The following ST8SIA5 variants were observed in gnomAD, a reference collection of about 807,000 sequenced individuals.
ST8SIA5 encodes ST8 alpha-N-acetyl-neuraminide alpha-2,8-sialyltransferase 5, also known as alpha-2,8-sialyltransferase 8E.
Under a neutral mutation model 40.2 loss-of-function variants are expected in ST8SIA5, and 24 were observed. That is an observed-to-expected ratio of 0.60 (90% CI 0.43 to 0.84). ST8SIA5 has a LOEUF of 0.84. ST8SIA5 is among the 40% of genes least tolerant of loss of function. The pLI is 0.00. For missense variants in ST8SIA5, 465 were observed against 498.5 expected (o/e 0.93, Z 0.64); for synonymous variants, 198 against 201.8 (o/e 0.98, Z 0.16).
At position 46,686,746 on chromosome 18, in the gene ST8SIA5, G is replaced by A. The variant is rs111305864; in HGVS notation, c.457-460C>T. Among the ~76,000 whole-genome samples the A allele has an allele frequency of 6.4e-3, 967 of 150,806 alleles. 11 individuals carry two copies. Among genetic ancestry groups the A allele is most frequent in the African/African-American group, 0.023 (924 of 40,386 alleles). On this transcript the variant is annotated intron_variant, in intron 4 of 6. Transcript: ENST00000315087. The stretch of plus-strand genomic sequence containing the variant: ...ATGGACAGGCCCAGTGAGCCAAGGC[G>A]GGGAAAACAGGGGCCTCTCACAGCC...
intron 1 of ST8SIA5, among the ~76,000 whole-genome samples, chr18:46,727,103 A>T (rs954850294): frequency 7.9e-5 from 12 of 152,142 alleles, no homozygotes; most frequent in Non-Finnish European, 1.5e-4. Context: ...AACATATAAG[A>T]ATTATGTAAA....
chr18:46,681,198 G>A (rs973954807), intron 6 of ST8SIA5, among the ~76,000 whole-genome samples: 1 of 151,340 alleles, frequency 6.6e-6, no homozygotes, highest in East Asian at 1.9e-4. Flanking sequence ...ATTTGGTCTC[G>A]AACTCCTGGC....
intron 2 of ST8SIA5, among the ~76,000 whole-genome samples, chr18:46,698,300 C>A (rs553860956): frequency 2.0e-5 from 3 of 151,688 alleles, no homozygotes; most frequent in Admixed American, 1.3e-4. Context: ...AACAACCCAC[C>A]ACACCAACAA....
At chr18:46,721,558 A>C (rs2039863974) in intron 1 of ST8SIA5, 2 of 1,062,508 alleles carry the variant, frequency 1.9e-6, no homozygotes, top group African/African-American at 3.1e-5. Context: ...GCTGTGCCCA[A>C]GTGACACATT....
intron 2 of ST8SIA5, among the ~76,000 whole-genome samples, chr18:46,702,564 C>T (rs2039629302): frequency 6.6e-6 from 1 of 152,218 alleles, no homozygotes; most frequent in South Asian, 2.1e-4. Flanking sequence ...GGGACACAGC[C>T]AGCTCCCTCC....
chr18:46,715,047 G>T (rs1408543803), intron 1 of ST8SIA5, among the ~76,000 whole-genome samples: 1 of 152,174 alleles, frequency 6.6e-6, no homozygotes, highest in Admixed American at 6.5e-5. Context: ...CCCACATCAG[G>T]TTCATGGGAC....
intron 2 of ST8SIA5, among the ~76,000 whole-genome samples, chr18:46,697,263 T>C (rs564337366): frequency 1.1e-4 from 16 of 151,866 alleles, no homozygotes; most frequent in Non-Finnish European, 1.9e-4. Flanking sequence ...TATGGATAGA[T>C]AGCCAAGGGT....
At chr18:46,738,771 C>CTT (rs563885072) in intron 1 of ST8SIA5, among the ~76,000 whole-genome samples, 158 of 152,234 alleles carry the variant, frequency 1.0e-3, no homozygotes, top group African/African-American at 3.8e-3. Context: ...GAACAGAAGG[C>CTT]TTTGTCCCCT....
intron 3 of ST8SIA5, 182 bp downstream of exon 3, chr18:46,691,987 C>A: frequency 1.6e-6 from 1 of 625,592 alleles, no homozygotes; most frequent in Admixed American, 2.4e-5. Context: ...GGGCAAGGTG[C>A]CTGCCTCAGC....
intron 1 of ST8SIA5, among the ~76,000 whole-genome samples, chr18:46,735,779 ATT>A (rs11287743): frequency 4.1e-5 from 6 of 145,306 alleles, no homozygotes; most frequent in East Asian, 2.0e-4. Context: ...CACCTGGATA[ATT>A]TTTTTTTTTT....
At chr18:46,737,809 C>T (rs1035466455) in intron 1 of ST8SIA5, among the ~76,000 whole-genome samples, 5 of 151,512 alleles carry the variant, frequency 3.3e-5, no homozygotes, top group African/African-American at 7.3e-5. Context: ...CTCACTGTGT[C>T]GCCCAGGCTG....
At chr18:46,738,683 G>A (rs1599147628) in intron 1 of ST8SIA5, among the ~76,000 whole-genome samples, 2 of 151,956 alleles carry the variant, frequency 1.3e-5, no homozygotes, top group South Asian at 2.1e-4. Flanking sequence ...CCTCCCCCTC[G>A]AGAACCACAC....
chr18:46,714,801 G>C lies in ST8SIA5; in HGVS notation c.132-10137C>G, dbSNP rs149849353. On this transcript the variant is annotated intron_variant, in intron 1 of 6. Coordinates refer to ENST00000315087, the MANE Select transcript of ST8SIA5 (RefSeq NM_013305.6). ...TGTGACCTCCTTTGTATCACCCCCA[G>C]AGTTGGGTTAATGACCTCAGTTTTG... Among the ~76,000 whole-genome samples the C allele has an allele frequency of 3.4e-3, 525 of 152,328 alleles. 3 individuals are homozygous for C. Among genetic ancestry groups the C allele is most frequent in the African/African-American group, 0.012 (509 of 41,568 alleles).
chr18:46,729,101 C>G (rs2039961011), intron 1 of ST8SIA5, among the ~76,000 whole-genome samples: 2 of 152,294 alleles, frequency 1.3e-5, no homozygotes, highest in South Asian at 4.1e-4. Flanking sequence ...CAACGTCCAG[C>G]TCAAGCACCA....
intron 1 of ST8SIA5, among the ~76,000 whole-genome samples, chr18:46,707,838 C>T (rs778207161): frequency 6.6e-6 from 1 of 152,192 alleles, no homozygotes; most frequent in African/African-American, 2.4e-5. Context: ...CAAGGAGATG[C>T]TGTTTATGAA....
chr18:46,718,350 A>G (rs538908531), intron 1 of ST8SIA5, among the ~76,000 whole-genome samples: 1 of 152,146 alleles, frequency 6.6e-6, no homozygotes, highest in Admixed American at 6.5e-5. Context: ...AAAAAAGAAA[A>G]AAAATTATTC....
intron 2 of ST8SIA5, among the ~76,000 whole-genome samples, chr18:46,692,462 G>A (rs956227928): frequency 2.6e-5 from 4 of 151,706 alleles, no homozygotes; most frequent in Non-Finnish European, 4.4e-5. Flanking sequence ...GGAGTGCAAT[G>A]GTGTGATCTC....
At chr18:46,721,590 G>A (rs1436451438) in intron 1 of ST8SIA5, 4 of 798,412 alleles carry the variant, frequency 5.0e-6, no homozygotes, top group Non-Finnish European at 8.3e-6. Flanking sequence ...GCAATTAAAG[G>A]AGGCGATGGT....
rs375136681 is a variant in ST8SIA5, at chr18:46,745,292, C to T, written c.131+11086G>A. On this transcript the variant is annotated intron_variant, in intron 1 of 6. Transcript: ENST00000315087. The stretch of plus-strand genomic sequence containing the variant: ...AAATCCAGGAGCTGGTTTTTTGAAA[C>T]GATCAACAAAATTGATAGACCGCTA... 5.9e-4 allele frequency among the ~76,000 whole-genome samples: 89 copies of T among 151,494 alleles called. 1 individual carries two copies. In the Middle Eastern group the frequency reaches 0.01, roughly 17 times the overall value.
Sources: allele counts gnomAD v4.1 joint callset (sites outside exome capture counted in the v4.1 genomes callset), GRCh38; gene constraint gnomAD v4.1.1; transcripts MANE v1.5; gene names NCBI Gene and HGNC (gene_info 2026-07-23, HGNC 2026-07-21).